The following REEP3 variants were observed in gnomAD, a reference collection of about 807,000 sequenced individuals.
The protein encoded by REEP3 is receptor accessory protein 3, also known as receptor expression-enhancing protein 3.
Under a neutral mutation model 41.3 loss-of-function variants are expected in REEP3, and 20 were observed. The ratio of observed to expected loss-of-function variants is 0.48; its 90% confidence interval spans 0.34 to 0.70. REEP3 has a LOEUF of 0.70. Among genes scored for constraint, REEP3 ranks in the 30% least tolerant of loss-of-function variants. The pLI is 0.01. For synonymous variants in REEP3, 104 were observed against 101.8 expected (o/e 1.02, Z -0.13); for missense variants, 271 against 308.8 (o/e 0.88, Z 0.92).
intron 2 of REEP3, 146 bp downstream of exon 2, chr10:63,566,556 A>T (rs950395518): frequency 4.0e-5 from 22 of 556,474 alleles, no homozygotes; most frequent in Non-Finnish European, 6.6e-5. Context: ...AATCTTTTTT[A>T]AAATCTTTGA....
In REEP3 at chr10:63,542,200, C is replaced by T. The variant is rs566876058; in HGVS notation, c.32+20623C>T. Reference sequence around the variant, plus strand: ...GTTCAAGCGATCCTCCTGCTTCAGCCCCACTAGTAGCTGGGATTACAGGCA... The same window carrying T: ...GTTCAAGCGATCCTCCTGCTTCAGCTCCACTAGTAGCTGGGATTACAGGCA... On this transcript the variant is annotated intron_variant, in intron 1 of 7. Coordinates refer to ENST00000373758, the MANE Select transcript of REEP3 (RefSeq NM_001001330.3). Among the ~76,000 whole-genome samples the T allele has an allele frequency of 9.4e-4, 143 of 152,088 alleles. 1 individual carries two copies. Among genetic ancestry groups the T allele is most frequent in the Non-Finnish European group, 1.6e-3 (107 of 67,978 alleles).
chr10:63,533,518 C>A (rs1448656818), intron 1 of REEP3, among the ~76,000 whole-genome samples: 1 of 151,900 alleles, frequency 6.6e-6, no homozygotes, highest in Non-Finnish European at 1.5e-5. Flanking sequence ...TATTAATTTT[C>A]ATCAACCGTA....
chr10:63,531,340 G>A (rs139262745), intron 1 of REEP3, among the ~76,000 whole-genome samples: 1 of 152,318 alleles, frequency 6.6e-6, no homozygotes, highest in East Asian at 1.9e-4. Context: ...ATAATTCTCT[G>A]TTGTGGGAGA....
At chr10:63,527,883 T>G (rs1955381231) in intron 1 of REEP3, among the ~76,000 whole-genome samples, 1 of 152,166 alleles carries the variant, frequency 6.6e-6, no homozygotes, top group Admixed American at 6.5e-5. Context: ...CAGCAGCTTT[T>G]GATACAATTG....
intron 3 of REEP3, among the ~76,000 whole-genome samples, chr10:63,596,794 T>A (rs1194921149): frequency 6.6e-6 from 1 of 152,192 alleles, no homozygotes; most frequent in South Asian, 2.1e-4. Context: ...GTTGTTGTTT[T>A]AGAGACAGGG....
intron 2 of REEP3, among the ~76,000 whole-genome samples, chr10:63,567,931 A>G (rs1955815416): frequency 6.6e-6 from 1 of 152,164 alleles, no homozygotes; most frequent in Admixed American, 6.5e-5. Context: ...ATATAAGTCA[A>G]AATGGTGGAA....
intron 2 of REEP3, among the ~76,000 whole-genome samples, chr10:63,567,177 C>A (rs1008642823): frequency 6.6e-6 from 1 of 152,088 alleles, no homozygotes; most frequent in African/African-American, 2.4e-5. Context: ...GATAACAGCA[C>A]ATCAATAACT....
chr10:63,567,180 C>G (rs76516232), intron 2 of REEP3, among the ~76,000 whole-genome samples: 3,625 of 152,084 alleles, frequency 0.024, 104 homozygotes, highest in Middle Eastern at 0.068. Flanking sequence ...AACAGCACAT[C>G]AATAACTATG....
chr10:63,548,461 A>C (rs1341594489), intron 1 of REEP3, among the ~76,000 whole-genome samples: 1 of 152,192 alleles, frequency 6.6e-6, no homozygotes, highest in African/African-American at 2.4e-5. Flanking sequence ...TTTTACCATA[A>C]GCATCAAAGA....
chr10:63,619,667 C>T lies in REEP3; in HGVS notation c.578C>T (p.Pro193Leu). Residue 193 changes from proline to leucine, a missense_variant, in exon 7 of 8, where the codon CCA becomes CTA. Pro to Leu is a moderately conservative substitution (Grantham distance 98). Coordinates refer to ENST00000373758, the MANE Select transcript of REEP3 (RefSeq NM_001001330.3). ...APSESAGYGI[P>L]LKDGDEKTDE... is the part of the protein sequence containing the mutation. ...ACAACTTGTTTAGGTTATGGAATTC[C>T]ACTGAAAGACGGAGATGAGAAAACA... 6.2e-7 allele frequency: 1 copy of T among 1,601,136 alleles called. No homozygotes were observed. The highest frequency in any genetic ancestry group is 8.5e-7 in the Non-Finnish European group (1 of 1,173,566).
At chr10:63,538,144 A>G (rs897956347) in intron 1 of REEP3, among the ~76,000 whole-genome samples, 2 of 152,168 alleles carry the variant, frequency 1.3e-5, no homozygotes, top group Non-Finnish European at 2.9e-5. Context: ...ATGTAGAATA[A>G]TATTCTTCAC....
rs950126222 is a variant in REEP3 at position 63,622,485 on chromosome 10, A to T, written c.*1616A>T. 3 of 152,092 alleles carry T rather than the reference A, an allele frequency of 2.0e-5. No homozygotes were observed. The highest frequency in any genetic ancestry group is 2.9e-5 in the Non-Finnish European group (2 of 68,022). The allele number at this position is 152,092 out of a possible 1,614,324, so 9.4% of individuals were successfully genotyped here. A position where few individuals can be genotyped will look rare whatever the true frequency, so the allele number is the denominator to read the frequency against. On this transcript the variant is annotated 3_prime_UTR_variant, in exon 8 of 8. Coordinates refer to ENST00000373758, the MANE Select transcript of REEP3 (RefSeq NM_001001330.3). ...CTTTACCCTAATTTTTAGCCTCTTA[A>T]TTTCTGGAAGGACTCTAATTTCTAT...
At chr10:63,599,380 C>A in intron 5 of REEP3, 97 bp downstream of exon 5, 1 of 506,234 alleles carries the variant, frequency 2.0e-6, no homozygotes. Flanking sequence ...TGGCATTTTG[C>A]TATATTTATT....
At chr10:63,565,786 A>T (rs903466049) in intron 1 of REEP3, among the ~76,000 whole-genome samples, 6 of 152,210 alleles carry the variant, frequency 3.9e-5, no homozygotes, top group Non-Finnish European at 8.8e-5. Flanking sequence ...AAGGAACCAC[A>T]GAATATTTTT....
At chr10:63,529,792 T>TG (rs397776059) in intron 1 of REEP3, among the ~76,000 whole-genome samples, 40 of 150,762 alleles carry the variant, frequency 2.7e-4, no homozygotes, top group Admixed American at 1.4e-3. Context: ...TTTTTTTTTT[T>TG]GAGACTGAGG....
intron 5 of REEP3, among the ~76,000 whole-genome samples, chr10:63,600,723 G>C (rs1213001799): frequency 6.6e-6 from 1 of 152,174 alleles, no homozygotes; most frequent in Non-Finnish European, 1.5e-5. Flanking sequence ...TGAAGGATAT[G>C]AATCTTCAGA....
chr10:63,566,433 T>C, intron 2 of REEP3, 23 bp downstream of exon 2: 4 of 1,249,244 alleles, frequency 3.2e-6, no homozygotes, highest in Non-Finnish European at 4.5e-6. Context: ...TTATGAGTGA[T>C]TAATCTGAGT....
intron 3 of REEP3, among the ~76,000 whole-genome samples, 187 bp downstream of exon 3, chr10:63,595,041 C>G (rs1459835564): frequency 6.6e-6 from 1 of 152,156 alleles, no homozygotes; most frequent in Non-Finnish European, 1.5e-5. Context: ...ATAAAGGCAG[C>G]TCATTTTCCT....
At chr10:63,530,563 A>G (rs1468464350) in intron 1 of REEP3, among the ~76,000 whole-genome samples, 1 of 152,182 alleles carries the variant, frequency 6.6e-6, no homozygotes, top group Non-Finnish European at 1.5e-5. Context: ...CACATTCTAA[A>G]CTATTGGGTC....
Sources: allele counts gnomAD v4.1 joint callset (sites outside exome capture counted in the v4.1 genomes callset), GRCh38; gene constraint gnomAD v4.1.1; transcripts MANE v1.5; gene names NCBI Gene and HGNC (gene_info 2026-07-23, HGNC 2026-07-21).